The following GJC1 variants were observed in gnomAD, a reference collection of about 807,000 sequenced individuals.
GJC1 encodes gap junction protein gamma 1, also known as gap junction gamma-1 protein.
Under a neutral mutation model 29.3 loss-of-function variants are expected in GJC1, and 5 were observed. That is an observed-to-expected ratio of 0.17 (90% CI 0.09 to 0.36). GJC1 has a LOEUF of 0.36. Among genes scored for constraint, GJC1 ranks in the 10% least tolerant of loss-of-function variants. The pLI is 1.00. For missense variants in GJC1, 310 were observed against 496.2 expected (o/e 0.62, Z 3.56); for synonymous variants, 177 against 183.3 (o/e 0.97, Z 0.28).
At chr17:44,826,221 C>T (rs1361632721) in intron 1 of GJC1, among the ~76,000 whole-genome samples, 1 of 152,154 alleles carries the variant, frequency 6.6e-6, no homozygotes, top group Non-Finnish European at 1.5e-5. Context: ...CACTCCTGGC[C>T]CCATTTCATT....
chr17:44,802,832 A>C lies in GJC1; in HGVS notation c.*1795T>G, dbSNP rs2049867017. On this transcript the variant is annotated 3_prime_UTR_variant, in exon 3 of 3. Coordinates refer to ENST00000592524, the MANE Select transcript of GJC1 (RefSeq NM_005497.4). ...TAACATAGTGAGACCTCATCTCTACAAAAAAAATTTTTAAAACAGAATTAG... is the reference window on the plus strand; with the variant it reads ...TAACATAGTGAGACCTCATCTCTACCAAAAAAATTTTTAAAACAGAATTAG... 6.6e-6 allele frequency: 1 copy of C among 151,996 alleles called. No homozygotes were observed. Among genetic ancestry groups the C allele is most frequent in the Non-Finnish European group, 1.5e-5 (1 of 68,004 alleles). 9.4% of individuals were successfully genotyped at this position (151,996 alleles called of 1,614,324 possible). A position where few individuals can be genotyped will look rare whatever the true frequency, so the allele number is the denominator to read the frequency against.
chr17:44,814,991 C>A (rs1349956567), intron 1 of GJC1, among the ~76,000 whole-genome samples: 2 of 151,986 alleles, frequency 1.3e-5, no homozygotes, highest in Admixed American at 6.6e-5. Flanking sequence ...GGCTTCCCTG[C>A]TTCTGAAAAC....
chr17:44,829,260 C>T lies in GJC1; in HGVS notation c.-97+802G>A, dbSNP rs536703092. Among the ~76,000 whole-genome samples the T allele has an allele frequency of 3.3e-5, 5 of 152,208 alleles. No homozygotes were observed. The South Asian group carries it at 8.3e-4, about 25-fold the overall frequency. ...AAAAAAGAACAAAATCTAAACCATACATTCACGTACATCTTTTCAACTCAG... is the reference window on the plus strand; with the variant it reads ...AAAAAAGAACAAAATCTAAACCATATATTCACGTACATCTTTTCAACTCAG... On this transcript the variant is annotated intron_variant, in intron 1 of 2. Coordinates refer to ENST00000592524, the MANE Select transcript of GJC1 (RefSeq NM_005497.4).
chr17:44,818,258 G>A (rs1356157434), intron 1 of GJC1, among the ~76,000 whole-genome samples: 1 of 151,988 alleles, frequency 6.6e-6, no homozygotes, highest in Non-Finnish European at 1.5e-5. Flanking sequence ...ACACCAGAAA[G>A]AAAATACATT....
chr17:44,809,450 G>A (rs2049948233), intron 1 of GJC1, among the ~76,000 whole-genome samples: 1 of 152,116 alleles, frequency 6.6e-6, no homozygotes, highest in Admixed American at 6.6e-5. Context: ...ATTCTCTGCA[G>A]GCTCAGATTT....
chr17:44,795,997 C>T (rs1304031617), downstream of GJC1, among the ~76,000 whole-genome samples: 3 of 152,222 alleles, frequency 2.0e-5, no homozygotes, highest in African/African-American at 7.2e-5. Flanking sequence ...GGCCGCTTGG[C>T]GGCCCGGGCT....
intron 1 of GJC1, among the ~76,000 whole-genome samples, chr17:44,822,832 A>T (rs2050128142): frequency 6.6e-6 from 1 of 152,110 alleles, no homozygotes; most frequent in Non-Finnish European, 1.5e-5. Flanking sequence ...CAGGATAAAA[A>T]AAGAGGTCTG....
chr17:44,807,632 C>T (rs1318955365), intron 1 of GJC1, 163 bp from the exon 2 acceptor site: 2 of 152,162 alleles, frequency 1.3e-5, no homozygotes, highest in Non-Finnish European at 2.9e-5. Context: ...GTCTTCTCCT[C>T]CCCATACAGG....
chr17:44,829,556 G>C (rs1177274853), intron 1 of GJC1: 1 of 152,184 alleles, frequency 6.6e-6, no homozygotes, highest in Admixed American at 6.5e-5. Context: ...GGGGAGATGC[G>C]GGAAGCCTCA....
intron 1 of GJC1, among the ~76,000 whole-genome samples, chr17:44,817,938 C>T (rs969910665): frequency 1.1e-4 from 16 of 151,996 alleles, no homozygotes; most frequent in South Asian, 2.1e-4. Flanking sequence ...CAAGGCCAGG[C>T]GCGGTGGCTC....
intron 2 of GJC1, among the ~76,000 whole-genome samples, chr17:44,806,399 TTG>T (rs1246461709): frequency 2.7e-3 from 315 of 117,228 alleles, no homozygotes; most frequent in African/African-American, 9.1e-3. Flanking sequence ...GTTCTTCTGT[TTG>T]TTTTTTTTTT....
At position 44,802,134 on chromosome 17, in the gene GJC1, A is replaced by G. The variant is rs1166413760; in HGVS notation, c.*2493T>C. The stretch of plus-strand genomic sequence containing the variant: ...TTTAAGAAGCTGACGCGTTATCCAG[A>G]CACAAAAGATAACATTCTCATCAAA... On this transcript the variant is annotated 3_prime_UTR_variant, in exon 3 of 3. Transcript: ENST00000592524. 1 of 152,236 alleles carries G rather than the reference A, an allele frequency of 6.6e-6. No individual in the cohort carries two copies. Among genetic ancestry groups the G allele is most frequent in the Non-Finnish European group, 1.5e-5 (1 of 68,050 alleles). 9.4% of individuals were successfully genotyped at this position (152,236 alleles called of 1,614,324 possible).
In GJC1 at chr17:44,821,450, C is replaced by T. The variant is rs183412176; in HGVS notation, c.-97+8612G>A. ...CGGTGGCTCATGCCTGTAATCCCAGCACTTTGGGAGGCTGAGGCAGGCGGA... is the reference window on the plus strand; with the variant it reads ...CGGTGGCTCATGCCTGTAATCCCAGTACTTTGGGAGGCTGAGGCAGGCGGA... On this transcript the variant is annotated intron_variant, in intron 1 of 2. Coordinates refer to ENST00000592524, the MANE Select transcript of GJC1 (RefSeq NM_005497.4). Among the ~76,000 whole-genome samples the T allele has an allele frequency of 2.5e-3, 374 of 152,198 alleles. 3 individuals are homozygous for T. The highest frequency in any genetic ancestry group is 4.2e-3 in the Admixed American group (64 of 15,268).
intron 1 of GJC1, among the ~76,000 whole-genome samples, chr17:44,823,856 C>T (rs564420008): frequency 3.4e-4 from 51 of 151,538 alleles, no homozygotes; most frequent in African/African-American, 9.7e-4. Context: ...GGACTACTGG[C>T]GTGTGCCACC....
chr17:44,826,981 T>G (rs556086677), intron 1 of GJC1, among the ~76,000 whole-genome samples: 1 of 152,268 alleles, frequency 6.6e-6, no homozygotes, highest in African/African-American at 2.4e-5. Context: ...AAAATCTATC[T>G]TCTCATACCT....
intron 1 of GJC1, among the ~76,000 whole-genome samples, chr17:44,827,728 C>A (rs979135319): frequency 4.6e-5 from 7 of 151,922 alleles, no homozygotes; most frequent in Admixed American, 4.6e-4. Context: ...GTCAGGAGAT[C>A]GGGACCATCA....
chr17:44,796,771 T>C (rs1170028588), downstream of GJC1, among the ~76,000 whole-genome samples: 1 of 152,026 alleles, frequency 6.6e-6, no homozygotes, highest in Non-Finnish European at 1.5e-5. Flanking sequence ...AACTTGTTAG[T>C]TCTGATTATG....
chr17:44,830,343 C>CG (rs2050220468), upstream of GJC1: 4 of 172,866 alleles, frequency 2.3e-5, 1 homozygote, highest in East Asian at 1.4e-4. This position sits in a 1 kb window ranked among gnomAD's most constrained non-coding sequence, Gnocchi z 4.3. Flanking sequence ...GGCCCGGGAG[C>CG]GGGGGGCGCG....
chr17:44,802,080 G>A lies in GJC1; in HGVS notation c.*2547C>T, dbSNP rs2049855007. On this transcript the variant is annotated 3_prime_UTR_variant, in exon 3 of 3. Transcript: ENST00000592524. ...TAGATTTTAAAAGTGTGTGCATGTG[G>A]GGAGGTGACAGAATATCTTTATATG... is the stretch of plus-strand genomic sequence containing the variant. The A allele has an allele frequency of 6.6e-6, 1 of 152,148 alleles. No individual in the cohort carries two copies. Among genetic ancestry groups the A allele is most frequent in the Non-Finnish European group, 1.5e-5 (1 of 68,038 alleles). 9.4% of individuals were successfully genotyped at this position (152,148 alleles called of 1,614,324 possible). A position where few individuals can be genotyped will look rare whatever the true frequency, so the allele number is the denominator to read the frequency against.
Sources: allele counts gnomAD v4.1 joint callset (sites outside exome capture counted in the v4.1 genomes callset), GRCh38; gene constraint gnomAD v4.1.1; non-coding constraint Gnocchi (gnomAD v3.1); transcripts MANE v1.5; gene names NCBI Gene and HGNC (gene_info 2026-07-23, HGNC 2026-07-21).